FANCB: variants seen among roughly 807,000 people sequenced by gnomAD.
FANCB encodes the protein FA complementation group B, also known as Fanconi anemia group B protein.
Under a neutral mutation model 38.9 loss-of-function variants are expected in FANCB, and 5 were observed. That is an observed-to-expected ratio of 0.13 (90% CI 0.07 to 0.27). The LOEUF is 0.27. FANCB is among the 10% of genes least tolerant of loss of function. The probability of loss-of-function intolerance (pLI) is 1.00; values close to 1 mark genes in which losing one functional copy is unlikely to be tolerated. For synonymous variants in FANCB, 236 were observed against 215.4 expected (o/e 1.10, Z -0.84); for missense variants, 573 against 602.7 (o/e 0.95, Z 0.52).
At chrX:14,773,225 AG>A in the FANCB span, among the ~76,000 whole-genome samples, 2 of 112,709 alleles carry the variant, frequency 1.8e-5, no homozygotes, top group Non-Finnish European at 3.7e-5. Flanking sequence ...TGTGAACAAC[AG>A]CAATTAAGTG....
intron 6 of FANCB, among the ~76,000 whole-genome samples, chrX:14,851,434 T>C (rs956366498): frequency 8.9e-6 from 1 of 111,766 alleles, no homozygotes; most frequent in African/African-American, 3.3e-5. Flanking sequence ...TGAAGCCAAC[T>C]CGTTCCAGAG....
At chrX:14,810,187 A>G in the FANCB span, among the ~76,000 whole-genome samples, 1 of 111,583 alleles carries the variant, frequency 9.0e-6, no homozygotes, top group Non-Finnish European at 1.9e-5. Flanking sequence ...ATCAAAGACC[A>G]AAAGTAGATA....
At chrX:14,783,867 C>T in the FANCB span, among the ~76,000 whole-genome samples, 56 of 112,616 alleles carry the variant, frequency 5.0e-4, no homozygotes, top group African/African-American at 1.4e-3. Context: ...ATTAATTATT[C>T]GTTTCCCATT....
At chrX:14,842,170 T>C (rs911285450), downstream of FANCB, among the ~76,000 whole-genome samples, 22 of 112,194 alleles carry the variant, frequency 2.0e-4, no homozygotes, top group Non-Finnish European at 3.6e-4. Context: ...GCAGAAAGTC[T>C]GAAATATTTT....
At chrX:14,764,116 C>A in the FANCB span, among the ~76,000 whole-genome samples, 1 of 111,526 alleles carries the variant, frequency 9.0e-6, no homozygotes, top group Non-Finnish European at 1.9e-5. Context: ...TTCATAAATC[C>A]AGGCAGAGAT....
the FANCB span, among the ~76,000 whole-genome samples, chrX:14,830,430 G>A: frequency 9.0e-6 from 1 of 111,386 alleles, no homozygotes; most frequent in African/African-American, 3.3e-5. Flanking sequence ...AAAAAACAAG[G>A]TATGCCAGTT....
the FANCB span, among the ~76,000 whole-genome samples, chrX:14,733,968 G>A: frequency 1.8e-5 from 2 of 111,962 alleles, no homozygotes; most frequent in Non-Finnish European, 3.8e-5. Flanking sequence ...TGAGAAATGA[G>A]TATTAAGTAT....
the FANCB span, among the ~76,000 whole-genome samples, chrX:14,759,504 C>G: frequency 8.9e-6 from 1 of 111,772 alleles, no homozygotes. Flanking sequence ...GAAAACCTAT[C>G]AGATTAACAG....
At chrX:14,767,908 G>A in the FANCB span, among the ~76,000 whole-genome samples, 1 of 112,016 alleles carries the variant, frequency 8.9e-6, no homozygotes, top group Admixed American at 9.4e-5. Context: ...CATATGGCTA[G>A]CCAGCACTCC....
the FANCB span, among the ~76,000 whole-genome samples, chrX:14,812,728 C>T: frequency 1.8e-5 from 2 of 109,658 alleles, no homozygotes; most frequent in Non-Finnish European, 3.8e-5. Context: ...CCGAATTCTA[C>T]CAGAGGTACA....
At chrX:14,798,275 G>T in the FANCB span, among the ~76,000 whole-genome samples, 1 of 109,924 alleles carries the variant, frequency 9.1e-6, no homozygotes. Context: ...CCATTCTCTT[G>T]CCTCAGCCTC....
At chrX:14,835,185 C>T (rs943288582), downstream of FANCB, 7 of 525,341 alleles carry the variant, frequency 1.3e-5, no homozygotes, top group Admixed American at 4.6e-5. Flanking sequence ...CTAAACAGAC[C>T]GTTCTTAAAG....
the FANCB span, among the ~76,000 whole-genome samples, chrX:14,708,406 G>C: frequency 1.8e-3 from 206 of 111,419 alleles, no homozygotes; most frequent in Non-Finnish European, 2.9e-3. Context: ...GGGGTCATTT[G>C]GTTGCCATGA....
At chrX:14,844,465 T>G (rs2092367095) in intron 9 of FANCB, 38 bp downstream of exon 9, 1 of 974,360 alleles carries the variant, frequency 1.0e-6, no homozygotes, top group Admixed American at 2.2e-5. Flanking sequence ...TCATACACAC[T>G]CACTTCTCTG....
At chrX:14,803,511 A>T in the FANCB span, among the ~76,000 whole-genome samples, 1 of 112,410 alleles carries the variant, frequency 8.9e-6, no homozygotes, top group South Asian at 3.7e-4. Flanking sequence ...TCTTAAAAAA[A>T]CTCAGGAATT....
rs2092466254 is a variant in FANCB, at chrX:14,865,594, G to A, written c.-70-14C>T. The A allele has an allele frequency of 1.8e-5, 14 of 757,104 alleles. No homozygotes were observed. Among genetic ancestry groups the A allele is most frequent in the Admixed American group, 2.5e-5 (1 of 39,971 alleles). 62.4% of individuals were successfully genotyped at this position (757,104 alleles called of 1,213,427 possible). On this transcript the variant is annotated splice_polypyrimidine_tract_variant and intron_variant, in intron 2 of 9. Coordinates refer to ENST00000650831, the MANE Select transcript of FANCB (RefSeq NM_001018113.3). ...ATGTTTCTAAACCTAAAAAAGAAAT[G>A]AGGAAAAACTGCCATGAAGTAGGAA...
the FANCB span, among the ~76,000 whole-genome samples, chrX:14,794,664 G>A: frequency 8.9e-6 from 1 of 112,240 alleles, no homozygotes; most frequent in Non-Finnish European, 1.9e-5. Flanking sequence ...TGCAGAGCCA[G>A]GATTCAACTA....
At chrX:14,728,930 C>T in the FANCB span, among the ~76,000 whole-genome samples, 1,058 of 112,326 alleles carry the variant, frequency 9.4e-3, 9 homozygotes, top group African/African-American at 0.032. Context: ...CCATTTTGCA[C>T]ATGATCAAGT....
chrX:14,812,845 G>A, the FANCB span, among the ~76,000 whole-genome samples: 9 of 110,294 alleles, frequency 8.2e-5, no homozygotes, highest in Non-Finnish European at 1.5e-4. Flanking sequence ...TACCAAAGCC[G>A]GGCAGAGATA....
Sources: gnomAD v4.1 joint callset for allele counts (sites outside exome capture counted in the v4.1 genomes callset) on GRCh38, gnomAD v4.1.1 for gene constraint, MANE v1.5 for transcripts, NCBI Gene and HGNC (gene_info 2026-07-23, HGNC 2026-07-21) for gene names.